Variants in PCDH15 observed in about 807,000 individuals in gnomAD.
PCDH15 encodes protocadherin related 15.
A neutral mutation model predicts 178.5 loss-of-function variants in PCDH15; 129 were observed. The ratio of observed to expected loss-of-function variants is 0.72; its 90% CI spans 0.63 to 0.84. The LOEUF (loss-of-function observed/expected upper bound fraction) is 0.84. PCDH15 is among the 40% of genes least tolerant of loss of function. PCDH15 has a pLI of 0.00. For missense variants in PCDH15, 2,230 were observed against 2,099.9 expected, an observed-to-expected ratio of 1.06 and a Z score of -1.21; for synonymous variants, 800 against 732.0, an observed-to-expected ratio of 1.09 and a Z score of -1.50.
At chr10:55,194,104 A>AGGGG (rs1840017539) in intron 1 of PCDH15, among the ~76,000 whole-genome samples, 5 of 152,028 alleles carry the variant, frequency 3.3e-5, no homozygotes. Context: ...CATCTTACAT[A>AGGGG]TTCAGAAAAT....
At chr10:55,123,432 A>AT (rs1480239285) in intron 2 of PCDH15, among the ~76,000 whole-genome samples, 10 of 152,106 alleles carry the variant, frequency 6.6e-5, no homozygotes, top group South Asian at 6.2e-4. Context: ...TTCAAATCTG[A>AT]TTTTATGAAA....
chr10:53,982,590 T>C (rs1470200358), intron 21 of PCDH15, among the ~76,000 whole-genome samples: 1 of 145,778 alleles, frequency 6.9e-6, no homozygotes, highest in Non-Finnish European at 1.5e-5. Context: ...AAACACCGCA[T>C]GTTCTCACTC....
chr10:54,503,879 C>G (rs559336017), intron 3 of PCDH15, among the ~76,000 whole-genome samples: 1 of 152,010 alleles, frequency 6.6e-6, no homozygotes, highest in African/African-American at 2.4e-5. Context: ...ATCATTTAAC[C>G]CCTGAATGAA....
chr10:55,106,710 TCTCAA>T (rs1257609673), intron 2 of PCDH15, among the ~76,000 whole-genome samples: 1 of 152,074 alleles, frequency 6.6e-6, no homozygotes, highest in Non-Finnish European at 1.5e-5. Flanking sequence ...GAGCAAATCT[TCTCAA>T]CTATAATAAA....
At chr10:54,635,889 G>A (rs2093840101) in intron 2 of PCDH15, among the ~76,000 whole-genome samples, 1 of 151,594 alleles carries the variant, frequency 6.6e-6, no homozygotes. Flanking sequence ...TATATCACTT[G>A]AAAAACAAAA....
intron 2 of PCDH15, among the ~76,000 whole-genome samples, chr10:55,368,190 T>C (rs1845413483): frequency 1.3e-5 from 2 of 152,126 alleles, no homozygotes; most frequent in East Asian, 1.9e-4. Flanking sequence ...TTTTTATGAA[T>C]AGACATAGTT....
At chr10:54,731,564 A>ATATAGATATATATATATATATATATG (rs1491229343) in intron 1 of PCDH15, among the ~76,000 whole-genome samples, 1 of 43,348 alleles carries the variant, frequency 2.3e-5, no homozygotes, top group Non-Finnish European at 4.6e-5. Context: ...ATATATATAT[A>ATATAGATATATATATATATATATATG]CACACACACA....
chr10:55,607,163 G>C (rs1462436569), intron 2 of PCDH15, among the ~76,000 whole-genome samples: 3 of 151,250 alleles, frequency 2.0e-5, no homozygotes, highest in Admixed American at 6.6e-5. Context: ...ATCATCACTG[G>C]CCATCAGAGA....
intron 28 of PCDH15, among the ~76,000 whole-genome samples, chr10:53,843,709 A>G (rs1302146744): frequency 6.6e-6 from 1 of 152,136 alleles, no homozygotes. Flanking sequence ...AAGTCTTCAT[A>G]TAAATCTATA....
At position 55,582,596 on chromosome 10, in the gene PCDH15, GTATATATATA is replaced by G. The variant is rs56817323; in HGVS notation, c.-156+45019_-156+45028del. On this transcript the variant is annotated intron_variant, in intron 2 of 5. Transcript: ENST00000613346. ...AACTGGCTATTCTGTATGTGTATGT[GTATATATATA>G]TATATATATATATATATATATATTT... Among the ~76,000 whole-genome samples the G allele has an allele frequency of 5.5e-4, 50 of 90,240 alleles. 1 individual carries two copies. The highest frequency in any genetic ancestry group is 1.2e-3 in the South Asian group (3 of 2,430). The allele number at this position is 90,240 out of a possible 152,430, so 59.2% of individuals were successfully genotyped here.
At chr10:54,895,008 C>T (rs1007724280) in intron 3 of PCDH15, among the ~76,000 whole-genome samples, 1 of 152,198 alleles carries the variant, frequency 6.6e-6, no homozygotes, top group African/African-American at 2.4e-5. Context: ...ATTCATCACT[C>T]TGACAGCAGA....
rs780335938 is a variant in PCDH15 at position 53,959,754 on chromosome 10, G to A, written c.3100C>T (p.Arg1034Cys). The change falls in exon 23 of 38, where the codon CGC (arginine) becomes TGC (cysteine). Residue 1034 changes from arginine (R) to cysteine (C), a missense_variant. Transcript: ENST00000644397. Reference sequence around the variant, plus strand: ...TACCTATATTCCTCCTGTGTGAAGCGTGGGATCTCACCAGGATGTAAGACA... The same window carrying A: ...TACCTATATTCCTCCTGTGTGAAGCATGGGATCTCACCAGGATGTAAGACA... Reference protein sequence around the residue: ...ILVLHPGEIPRFTQEEYRPPP... With the variant: ...ILVLHPGEIPCFTQEEYRPPP... The A allele has an allele frequency of 2.1e-5, 34 of 1,612,558 alleles. No individual in the cohort carries two copies. The highest frequency in any genetic ancestry group is 1.8e-4 in the East Asian group (8 of 44,866).
intron 2 of PCDH15, among the ~76,000 whole-genome samples, chr10:55,045,857 C>T (rs962209004): frequency 6.6e-6 from 1 of 151,924 alleles, no homozygotes; most frequent in African/African-American, 2.4e-5. Flanking sequence ...CACCATGACT[C>T]TCACCACAAA....
intron 13 of PCDH15, among the ~76,000 whole-genome samples, chr10:54,175,158 A>G (rs1023233252): frequency 6.6e-6 from 1 of 152,220 alleles, no homozygotes; most frequent in African/African-American, 2.4e-5. Flanking sequence ...AAGTAAATAT[A>G]ACCCTCAAAC....
At chr10:54,950,636 A>G (rs1180429422) in intron 2 of PCDH15, among the ~76,000 whole-genome samples, 1 of 151,946 alleles carries the variant, frequency 6.6e-6, no homozygotes, top group African/African-American at 2.4e-5. Context: ...GTGAGAAGAG[A>G]CTAATACAAG....
chr10:54,460,705 T>C (rs1486289203), intron 3 of PCDH15, among the ~76,000 whole-genome samples: 2 of 152,096 alleles, frequency 1.3e-5, no homozygotes, highest in East Asian at 1.9e-4. Flanking sequence ...TCTCTCTGGC[T>C]TGAGAAACAT....
chr10:55,382,675 T>C (rs1249443904), intron 2 of PCDH15, among the ~76,000 whole-genome samples: 1 of 152,216 alleles, frequency 6.6e-6, no homozygotes, highest in Non-Finnish European at 1.5e-5. Flanking sequence ...TGTAGAAAAC[T>C]AATATGCCCA....
At chr10:54,026,500 C>A (rs995339279) in intron 18 of PCDH15, among the ~76,000 whole-genome samples, 1 of 152,120 alleles carries the variant, frequency 6.6e-6, no homozygotes, top group Non-Finnish European at 1.5e-5. Flanking sequence ...GTATAAATTA[C>A]GATATGTCAA....
intron 2 of PCDH15, among the ~76,000 whole-genome samples, chr10:54,924,454 A>G (rs1273579675): frequency 7.3e-6 from 1 of 137,742 alleles, no homozygotes; most frequent in Non-Finnish European, 1.7e-5. Flanking sequence ...ATTTGGGTAT[A>G]TGCCCAGTAA....
Sources: allele counts gnomAD v4.1 joint callset (sites outside exome capture counted in the v4.1 genomes callset), GRCh38; gene constraint gnomAD v4.1.1; transcripts MANE v1.5; gene names NCBI Gene and HGNC (gene_info 2026-07-23, HGNC 2026-07-21).